CLEC2A: variants seen among roughly 807,000 people sequenced by gnomAD.
CLEC2A encodes keratinocyte-associated C-type lectin.
In CLEC2A, 19 loss-of-function variants were observed where a neutral mutation model predicts 18.6. The observed-to-expected ratio is 1.02, with a 90% CI of 0.71 to 1.50. CLEC2A has a LOEUF of 1.50. CLEC2A is among the 40% of genes most tolerant of loss of function. The probability of loss-of-function intolerance (pLI) is 0.00; values close to 1 mark genes in which losing one functional copy is unlikely to be tolerated. For missense variants in CLEC2A, 190 were observed against 207.9 expected (o/e 0.91, Z 0.53); for synonymous variants, 74 against 64.0 (o/e 1.16, Z -0.75).
intron 4 of CLEC2A, among the ~76,000 whole-genome samples, chr12:9,915,998 C>G (rs1404376956): frequency 6.7e-6 from 1 of 149,764 alleles, no homozygotes; most frequent in African/African-American, 2.5e-5. Context: ...TAGCACGTTA[C>G]TAAAATAATA....
At chr12:9,905,946 C>T (rs185968993) in intron 4 of CLEC2A, among the ~76,000 whole-genome samples, 1 of 151,946 alleles carries the variant, frequency 6.6e-6, no homozygotes, top group East Asian at 1.9e-4. Context: ...GTGTGATCAA[C>T]TTGAACACTT....
chr12:9,907,277 G>A (rs1428941461), intron 4 of CLEC2A, among the ~76,000 whole-genome samples: 1 of 152,154 alleles, frequency 6.6e-6, no homozygotes, highest in South Asian at 2.1e-4. Flanking sequence ...GCAGTTATAA[G>A]CATATGTTTT....
Position 9,916,714 on chromosome 12 carries a change from G to A in CLEC2A, c.396C>T (p.Thr132=). The A allele has an allele frequency of 6.5e-7, 1 of 1,545,142 alleles. No homozygotes were observed. The highest frequency in any genetic ancestry group is 8.8e-7 in the Non-Finnish European group (1 of 1,141,084). The change falls in exon 4 of 5, where the codon ACC becomes ACT. Residue 132 remains threonine, a synonymous_variant. Coordinates refer to ENST00000455827, the MANE Select transcript of CLEC2A (RefSeq NM_001130711.2). Reference sequence around the variant, plus strand: ...TGGAAACTCACCAACCATTGAATGTGGTGCCATTTGTCCATTTCCAAGAAT... The same window carrying A: ...TGGAAACTCACCAACCATTGAATGTAGTGCCATTTGTCCATTTCCAAGAAT... ...QGDSWKWTNG[T]TFNGWFEIIG... is the part of the protein sequence containing the mutation.
chr12:9,927,280 C>A (rs536749822), intron 1 of CLEC2A, among the ~76,000 whole-genome samples: 1 of 152,038 alleles, frequency 6.6e-6, no homozygotes, highest in Non-Finnish European at 1.5e-5. Flanking sequence ...TAAATGCTTG[C>A]GTCTAAACAT....
chr12:9,886,054 A>C, the CLEC2A span, among the ~76,000 whole-genome samples: 2 of 152,146 alleles, frequency 1.3e-5, no homozygotes, highest in Admixed American at 1.3e-4. Flanking sequence ...ATAAAATATA[A>C]ATGGTAAAAT....
At chr12:9,929,316 T>G (rs1232824096) in intron 1 of CLEC2A, among the ~76,000 whole-genome samples, 1 of 152,212 alleles carries the variant, frequency 6.6e-6, no homozygotes, top group Non-Finnish European at 1.5e-5. Flanking sequence ...TAAACAGTAG[T>G]AGTTACAGTG....
chr12:9,883,784 A>G, the CLEC2A span, among the ~76,000 whole-genome samples: 1 of 152,184 alleles, frequency 6.6e-6, no homozygotes, highest in Non-Finnish European at 1.5e-5. Context: ...TAAATTCTCT[A>G]AGTATATACT....
At chr12:9,922,455 A>T (rs1457026034) in intron 2 of CLEC2A, among the ~76,000 whole-genome samples, 1 of 152,194 alleles carries the variant, frequency 6.6e-6, no homozygotes, top group African/African-American at 2.4e-5. Context: ...TTCTATTTTG[A>T]GAAATGGAAC....
chr12:9,902,116 A>T (rs113926088), intron 4 of CLEC2A, among the ~76,000 whole-genome samples: 1 of 152,178 alleles, frequency 6.6e-6, no homozygotes, highest in African/African-American at 2.4e-5. Flanking sequence ...CTGTTCTTAC[A>T]TACCTTGCTT....
In CLEC2A at chr12:9,920,061, A is replaced by G. The variant is rs1591793372; in HGVS notation, c.306+2005T>C. 2.6e-5 allele frequency among the ~76,000 whole-genome samples: 4 copies of G among 152,202 alleles called. No homozygotes were observed. The South Asian group carries it at 8.3e-4, about 32-fold the overall frequency. ...TGGCTAAGTCACCCAAACAGCAAAGATGGCTGCCCACATCTCCCTCTGGGA... is the reference window on the plus strand; with the variant it reads ...TGGCTAAGTCACCCAAACAGCAAAGGTGGCTGCCCACATCTCCCTCTGGGA... On this transcript the variant is annotated intron_variant, in intron 3 of 4. Transcript: ENST00000455827.
the CLEC2A span, among the ~76,000 whole-genome samples, chr12:9,886,858 G>A: frequency 0.02 from 3,028 of 151,824 alleles, 50 homozygotes; most frequent in Middle Eastern, 0.045. Context: ...ACTGGTGGTC[G>A]GTGCAATAAG....
intron 3 of CLEC2A, among the ~76,000 whole-genome samples, chr12:9,920,279 C>T (rs112353807): frequency 0.011 from 1,713 of 152,258 alleles, 15 homozygotes; most frequent in Middle Eastern, 0.027. Flanking sequence ...ACTACTTTTG[C>T]TGGGAAGCCT....
At chr12:9,895,683 T>C, downstream of CLEC2A, 1 of 1,519,160 alleles carries the variant, frequency 6.6e-7, no homozygotes, top group Admixed American at 2.2e-5. Context: ...GTCCTTTGTC[T>C]CTTAGGTTTT....
At chr12:9,926,063 C>A (rs1020487070) in intron 2 of CLEC2A, among the ~76,000 whole-genome samples, 197 bp downstream of exon 2, 6 of 152,094 alleles carry the variant, frequency 3.9e-5, no homozygotes, top group African/African-American at 1.4e-4. Flanking sequence ...GAACATAATT[C>A]TATTGTAAAA....
intron 4 of CLEC2A, among the ~76,000 whole-genome samples, chr12:9,902,337 A>G (rs192319005): frequency 1.5e-3 from 227 of 150,982 alleles, no homozygotes; most frequent in African/African-American, 5.4e-3. Flanking sequence ...GGGTTCAAGC[A>G]ATTCTCCTGC....
chr12:9,906,773 C>A (rs1042828717), intron 4 of CLEC2A, among the ~76,000 whole-genome samples: 8 of 152,166 alleles, frequency 5.3e-5, no homozygotes, highest in Non-Finnish European at 8.8e-5. Flanking sequence ...AAACAAATAC[C>A]ACCCAGTTTT....
chr12:9,884,408 A>T, the CLEC2A span, among the ~76,000 whole-genome samples: 1 of 151,798 alleles, frequency 6.6e-6, no homozygotes, highest in Non-Finnish European at 1.5e-5. Flanking sequence ...AAATGTGGAT[A>T]TTTCCAGTAC....
At chr12:9,897,689 G>C (rs937622856), downstream of CLEC2A, among the ~76,000 whole-genome samples, 7 of 152,052 alleles carry the variant, frequency 4.6e-5, no homozygotes, top group African/African-American at 1.7e-4. Flanking sequence ...AATTCTCGGT[G>C]GCTCTACCCC....
the CLEC2A span, chr12:9,881,803 T>A: frequency 1.5e-6 from 1 of 689,356 alleles, no homozygotes; most frequent in Non-Finnish European, 2.4e-6. Context: ...TCTGTTAGAT[T>A]ATTTAGATTC....
Sources: gnomAD v4.1 joint callset for allele counts (sites outside exome capture counted in the v4.1 genomes callset) on GRCh38, gnomAD v4.1.1 for gene constraint, MANE v1.5 for transcripts, NCBI Gene and HGNC (gene_info 2026-07-23, HGNC 2026-07-21) for gene names.